The following TNRC6B variants were observed in gnomAD, a reference collection of about 807,000 sequenced individuals.
The protein encoded by TNRC6B is trinucleotide repeat-containing gene 6B protein.
TNRC6B carries 52 observed loss-of-function variants against 203.6 expected under a neutral mutation model. The observed-to-expected ratio is 0.26, with a 90% CI of 0.20 to 0.32. The LOEUF is 0.32. Among genes scored for constraint, TNRC6B ranks in the 10% least tolerant of loss-of-function variants. TNRC6B has a pLI of 1.00. For missense variants in TNRC6B, 1,923 were observed against 2,286.2 expected (o/e 0.84, Z 3.24); for synonymous variants, 838 against 845.7 (o/e 0.99, Z 0.16).
intron 6 of TNRC6B, 141 bp downstream of exon 6, chr22:40,270,421 G>T: frequency 1.2e-6 from 1 of 848,378 alleles, no homozygotes; most frequent in Non-Finnish European, 1.6e-6. Flanking sequence ...CCAGCTTCAA[G>T]CGATTCTCCT....
chr22:40,238,921 G>A lies in TNRC6B; in HGVS notation c.6-7094G>A, dbSNP rs562973160. ...AGTGCTTAGAAAAAGTGCCTGGCTC[G>A]GCTGGGCGCAGTGGCTCACGCCTGT... On this transcript the variant is annotated intron_variant, in intron 1 of 22. Transcript: ENST00000454349. Among the ~76,000 whole-genome samples, 8 of 151,030 alleles carry A rather than the reference G, an allele frequency of 5.3e-5. No individual in the cohort carries two copies. The East Asian group carries it at 1.2e-3, about 22-fold the overall frequency.
At chr22:40,168,659 CT>C (rs1339814472) in intron 4 of TNRC6B, among the ~76,000 whole-genome samples, 5 of 152,184 alleles carry the variant, frequency 3.3e-5, no homozygotes, top group African/African-American at 7.2e-5. Context: ...TTATTTCTAT[CT>C]TCTGACTTTG....
intron 3 of TNRC6B, among the ~76,000 whole-genome samples, chr22:40,256,422 G>A (rs1283008028): frequency 1.3e-5 from 2 of 152,144 alleles, no homozygotes; most frequent in Non-Finnish European, 2.9e-5. Flanking sequence ...AGCCAGGATT[G>A]CCATTATGGC....
chr22:40,290,733 G>T (rs535119094), intron 12 of TNRC6B, among the ~76,000 whole-genome samples: 1 of 151,726 alleles, frequency 6.6e-6, no homozygotes, highest in Admixed American at 6.6e-5. Flanking sequence ...AGTATAATAA[G>T]CTTCACAGTG....
In TNRC6B at chr22:40,156,115, G is replaced by A. The variant is rs9611280; in HGVS notation, c.46G>A (p.Val16Met). ...TGACCTGTGGTGCTTGCCTTTGCAGGTGGAACAGGAGGATTTTGTAATGGA... is the reference window on the plus strand; with the variant it reads ...TGACCTGTGGTGCTTGCCTTTGCAGATGGAACAGGAGGATTTTGTAATGGA... The change falls in exon 4 of 24, where the codon GTG (valine) becomes ATG (methionine). Residue 16 changes from valine to methionine, a missense_variant and splice_region_variant. By Grantham distance (21) the Val-to-Met change is conservative. Coordinates refer to the TNRC6B transcript ENST00000301923. The A allele has an allele frequency of 0.095, 150,229 of 1,576,008 alleles. 8,048 individuals are homozygous for A. Among genetic ancestry groups the A allele is most frequent in the Non-Finnish European group, 0.11 (129,276 of 1,160,080 alleles).
At chr22:40,075,161 T>TACA in intron 1 of TNRC6B, among the ~76,000 whole-genome samples, 1 of 107,742 alleles carries the variant, frequency 9.3e-6, no homozygotes, top group East Asian at 2.2e-4. Flanking sequence ...TATATATTTT[T>TACA]TTTTTTTTTT....
Position 40,108,096 on chromosome 22 carries a change from C to T in TNRC6B, c.-120-8959C>T, listed in dbSNP as rs973054612. 8.5e-5 allele frequency among the ~76,000 whole-genome samples: 13 copies of T among 152,216 alleles called. No individual in the cohort carries two copies. The East Asian group carries it at 9.6e-4, about 11-fold the overall frequency. On this transcript the variant is annotated intron_variant, in intron 1 of 23. Transcript: ENST00000301923. ...ATGTCTGAAGACTTTGAGACTGCAG[C>T]AGGGAGATGATTTTGCAGTTAGTAA...
intron 4 of TNRC6B, among the ~76,000 whole-genome samples, chr22:40,172,866 A>G (rs1431820426): frequency 6.6e-6 from 1 of 151,920 alleles, no homozygotes; most frequent in Non-Finnish European, 1.5e-5. Flanking sequence ...TGTTCCCCTA[A>G]TTTTTCTTGA....
chr22:40,321,504 A>C, intron 22 of TNRC6B: 1 of 353,732 alleles, frequency 2.8e-6, no homozygotes. Flanking sequence ...ACATAAAGCT[A>C]GGGCCGGGCA....
Position 40,329,900 on chromosome 22 carries a change from C to T in TNRC6B, c.*6659C>T, listed in dbSNP as rs908795796. 1.3e-5 allele frequency: 2 copies of T among 152,172 alleles called. No individual in the cohort carries two copies. Among genetic ancestry groups the T allele is most frequent in the South Asian group, 4.1e-4 (2 of 4,834 alleles). 9.4% of individuals were successfully genotyped at this position (152,172 alleles called of 1,614,324 possible). A position where few individuals can be genotyped will look rare whatever the true frequency, so the allele number is the denominator to read the frequency against. ...ACCTGAATTTGTTTTTAACAAGAAA[C>T]TGTACATGGCCAGGAAAAATGGTAC... On this transcript the variant is annotated 3_prime_UTR_variant, in exon 23 of 23. Transcript: ENST00000454349.
chr22:40,247,624 G>C (rs912403583), intron 2 of TNRC6B, among the ~76,000 whole-genome samples: 1 of 152,190 alleles, frequency 6.6e-6, no homozygotes, highest in African/African-American at 2.4e-5. Context: ...TGCTCTTTAA[G>C]ATTTTGTCTG....
In TNRC6B at chr22:40,326,870, T is replaced by C. The variant is rs1323514571; in HGVS notation, c.*3629T>C. ...TTTGTTTTGGGAGGAGGAGAAAATA[T>C]AGAAGAATCTAATAAGGAACAAGTG... On this transcript the variant is annotated 3_prime_UTR_variant, in exon 23 of 23. Coordinates refer to ENST00000454349, the MANE Select transcript of TNRC6B (RefSeq NM_001162501.2). The C allele has an allele frequency of 2.6e-5, 4 of 152,634 alleles. No homozygotes were observed. Among genetic ancestry groups the C allele is most frequent in the African/African-American group, 9.7e-5 (4 of 41,450 alleles). The allele number at this position is 152,634 out of a possible 1,614,324, so 9.5% of individuals were successfully genotyped here. A position where few individuals can be genotyped will look rare whatever the true frequency, so the allele number is the denominator to read the frequency against.
In TNRC6B at chr22:40,278,326, G is replaced by A. The variant is rs921375223; in HGVS notation, c.3262+282G>A. Among the ~76,000 whole-genome samples, 16 of 152,174 alleles carry A rather than the reference G, an allele frequency of 1.1e-4. 1 individual carries two copies. The highest frequency in any genetic ancestry group is 7.2e-4 in the Admixed American group (11 of 15,294). ...TGTAATCCCAGCACTTTGGGAGACC[G>A]AGGTGGGTGGATTACGAGGTCAAGA... is the stretch of plus-strand genomic sequence containing the variant. On this transcript the variant is annotated intron_variant, in intron 9 of 22. Transcript: ENST00000454349.
intron 16 of TNRC6B, among the ~76,000 whole-genome samples, chr22:40,308,995 T>C (rs371679726): frequency 4.6e-5 from 7 of 152,376 alleles, no homozygotes; most frequent in African/African-American, 1.7e-4. Context: ...ATCTTGTTGG[T>C]TGTTTGAACC....
chr22:40,146,878 T>A (rs530456324), intron 3 of TNRC6B, among the ~76,000 whole-genome samples: 18 of 152,276 alleles, frequency 1.2e-4, no homozygotes, highest in African/African-American at 3.9e-4. Flanking sequence ...AAACGTTTTC[T>A]AAGTCAAAGG....
chr22:40,319,512 G>A (rs559305019), intron 21 of TNRC6B, among the ~76,000 whole-genome samples: 12 of 146,440 alleles, frequency 8.2e-5, no homozygotes, highest in East Asian at 6.2e-4. Flanking sequence ...TGCAAGCTCC[G>A]CCTCCCGGGT....
chr22:40,200,355 C>T (rs1337563178), intron 1 of TNRC6B, among the ~76,000 whole-genome samples: 1 of 115,320 alleles, frequency 8.7e-6, no homozygotes, highest in Non-Finnish European at 1.6e-5. Context: ...GGCATGATCT[C>T]GGCTCACTAC....
chr22:40,058,701 G>A (rs114173846), intron 1 of TNRC6B, among the ~76,000 whole-genome samples: 3 of 152,216 alleles, frequency 2.0e-5, no homozygotes, highest in Non-Finnish European at 2.9e-5. Flanking sequence ...CTGGAGAGGC[G>A]TGATGCTGTT....
rs1473511768 is a variant in TNRC6B at position 40,265,749 on chromosome 22, T to G, written c.1519T>G (p.Ser507Ala). The change falls in exon 5 of 23, where the codon TCT (serine) becomes GCT (alanine). Residue 507 changes from serine (S) to alanine (A), a missense_variant. Ser to Ala is a moderately conservative substitution (Grantham distance 99). Around this residue, in one of 8 missense-constraint regions of TNRC6B, gnomAD observed 614 missense variants for 587.7 expected, o/e 1.04. Transcript: ENST00000454349. ...GEGNKMTSGV[S>A]QGEWKQPTGS... ...AGGGAACAAAATGACATCTGGGGTC[T>G]CTCAGGGAGAATGGAAACAGCCGAC... 2.5e-6 allele frequency: 4 copies of G among 1,613,978 alleles called. No homozygotes were observed. The highest frequency in any genetic ancestry group is 3.4e-6 in the Non-Finnish European group (4 of 1,179,876).
Sources: allele counts gnomAD v4.1 joint callset (sites outside exome capture counted in the v4.1 genomes callset), GRCh38; gene constraint gnomAD v4.1.1; regional missense constraint gnomAD v4.1.1; transcripts MANE v1.5; gene names NCBI Gene and HGNC (gene_info 2026-07-23, HGNC 2026-07-21).